Variants in PLXNA4 observed in about 807,000 individuals in gnomAD.
The protein encoded by PLXNA4 is plexin-A4.
PLXNA4 carries 44 observed loss-of-function variants against 191.8 expected under a neutral mutation model. The observed-to-expected ratio is 0.23, with a 90% CI of 0.18 to 0.29. PLXNA4 has a LOEUF of 0.29. Among genes scored for constraint, PLXNA4 ranks in the 10% least tolerant of loss-of-function variants. PLXNA4 has a pLI of 1.00. For missense variants in PLXNA4, 1,800 were observed against 2,488.8 expected (o/e 0.72, Z 5.89); for synonymous variants, 1,082 against 1,009.5 (o/e 1.07, Z -1.36).
chr7:132,621,617 A>G (rs905461830), intron 2 of PLXNA4, among the ~76,000 whole-genome samples: 3 of 152,124 alleles, frequency 2.0e-5, no homozygotes, highest in Admixed American at 1.3e-4. Flanking sequence ...CACCATATAC[A>G]TGGGCAAGTG....
At chr7:132,555,136 ATAACG>A (rs1376714056) in intron 1 of PLXNA4, among the ~76,000 whole-genome samples, 6 of 152,200 alleles carry the variant, frequency 3.9e-5, no homozygotes, top group Non-Finnish European at 1.5e-5. Context: ...TCCTATAAAA[ATAACG>A]TATGTTTACA....
At chr7:132,211,296 T>C (rs1205348491) in intron 9 of PLXNA4, among the ~76,000 whole-genome samples, 153 bp from the exon 10 acceptor site, 1 of 152,228 alleles carries the variant, frequency 6.6e-6, no homozygotes, top group Non-Finnish European at 1.5e-5. Flanking sequence ...CAGTGGGCAA[T>C]GCACTGAGGA....
intron 20 of PLXNA4, among the ~76,000 whole-genome samples, chr7:132,179,073 T>C (rs112645691): frequency 6.1e-4 from 63 of 103,526 alleles, no homozygotes; most frequent in South Asian, 1.0e-3. Flanking sequence ...CCAGCACTGC[T>C]CACAGCTGCC....
chr7:132,182,543 C>A (rs1796743892), intron 16 of PLXNA4, among the ~76,000 whole-genome samples: 1 of 152,166 alleles, frequency 6.6e-6, no homozygotes, highest in South Asian at 2.1e-4. Flanking sequence ...TCCATCCTTC[C>A]CCTGGTCCTC....
chr7:132,647,694 C>G (rs988200194), intron 1 of PLXNA4, among the ~76,000 whole-genome samples: 1 of 151,752 alleles, frequency 6.6e-6, no homozygotes, highest in Non-Finnish European at 1.5e-5. Context: ...CACATACACA[C>G]TCACAAACAC....
rs144143112 is a variant in PLXNA4 at position 132,462,248 on chromosome 7, G to A, written c.1371+27044C>T. 4.6e-3 allele frequency among the ~76,000 whole-genome samples: 704 copies of A among 152,256 alleles called. 11 individuals carry two copies. Among genetic ancestry groups the A allele is most frequent in the African/African-American group, 0.016 (660 of 41,542 alleles). On this transcript the variant is annotated intron_variant, in intron 3 of 31. Transcript: ENST00000321063. ...AAAACTTAAGGGTAACCACTATTAGGTTAAAATAGGATGAATACTTTCCAA... is the reference window on the plus strand; with the variant it reads ...AAAACTTAAGGGTAACCACTATTAGATTAAAATAGGATGAATACTTTCCAA...
chr7:132,153,555 G>A (rs913877255), intron 25 of PLXNA4, among the ~76,000 whole-genome samples: 1 of 152,114 alleles, frequency 6.6e-6, no homozygotes, highest in African/African-American at 2.4e-5. Context: ...CTCTAGGAAG[G>A]GGAGAGGTAG....
intron 2 of PLXNA4, among the ~76,000 whole-genome samples, chr7:132,582,571 G>A (rs1563186716): frequency 1.3e-5 from 2 of 152,136 alleles, no homozygotes; most frequent in African/African-American, 4.8e-5. Flanking sequence ...CATGTGTTGA[G>A]AAACTGAGCT....
intron 20 of PLXNA4, among the ~76,000 whole-genome samples, chr7:132,177,100 AGT>A (rs370431126): frequency 8.7e-4 from 131 of 151,292 alleles, no homozygotes; most frequent in African/African-American, 2.8e-3. Flanking sequence ...TATGTCAGTG[AGT>A]GTATGTATGT....
rs774229305 is a variant in PLXNA4 at position 132,223,558 on chromosome 7, G to A, written c.2066C>T (p.Ser689Phe). 3 of 1,613,686 alleles carry A rather than the reference G, an allele frequency of 1.9e-6. No homozygotes were observed. The highest frequency in any genetic ancestry group is 2.5e-6 in the Non-Finnish European group (3 of 1,179,832). Reference protein sequence around the residue: ...HVCTHDPKTCSFQEGRVKLPE... With the variant: ...HVCTHDPKTCFFQEGRVKLPE... ...CAGCTTCACTCGGCCTTCCTGGAAG[G>A]AGCAGGTCTTGGGGTCATGGGTGCA... is the stretch of plus-strand genomic sequence containing the variant. Residue 689 changes from serine to phenylalanine, a missense_variant, in exon 9 of 32, where the codon TCC (serine) becomes TTC (phenylalanine). Physicochemically the swap from Ser to Phe is radical, Grantham distance 155. This residue lies in a region of PLXNA4 where 1,397 missense variants were observed against 1,880.4 expected (regional missense o/e 0.74). Transcript: ENST00000321063.
chr7:132,555,860 G>A (rs1257761010), intron 1 of PLXNA4, among the ~76,000 whole-genome samples: 1 of 152,202 alleles, frequency 6.6e-6, no homozygotes, highest in Non-Finnish European at 1.5e-5. Context: ...AGTCTACACT[G>A]TTTGTTAAAA....
chr7:132,194,191 A>G lies in PLXNA4; in HGVS notation c.2739-12T>C, dbSNP rs772555500. ...TCTCACACACGATCCTGCAGGGAGG[A>G]TAGGAGAAATCCCATGGGTCACAGG... On this transcript the variant is annotated splice_polypyrimidine_tract_variant and intron_variant, in intron 13 of 31. Transcript: ENST00000321063. 2.6e-5 allele frequency: 42 copies of G among 1,609,270 alleles called. No homozygotes were observed. The highest frequency in any genetic ancestry group is 3.5e-5 in the Non-Finnish European group (41 of 1,176,674).
chr7:132,556,538 A>G (rs11760425), intron 1 of PLXNA4, among the ~76,000 whole-genome samples: 73,829 of 152,150 alleles, frequency 0.49, 19,005 homozygotes, highest in South Asian at 0.65. Flanking sequence ...TCCCCACATA[A>G]TCTGCCCATT....
chr7:132,355,369 G>A (rs1160837024), intron 3 of PLXNA4, among the ~76,000 whole-genome samples: 1 of 152,152 alleles, frequency 6.6e-6, no homozygotes, highest in Non-Finnish European at 1.5e-5. Context: ...AATAACCTGA[G>A]TCAGTCTCTG....
chr7:132,194,632 T>C (rs1797196566), intron 13 of PLXNA4, among the ~76,000 whole-genome samples: 1 of 152,150 alleles, frequency 6.6e-6, no homozygotes, highest in Non-Finnish European at 1.5e-5. Context: ...CTCCCGATGA[T>C]TGGGTTGCCT....
chr7:132,302,421 T>C (rs1584964331), intron 3 of PLXNA4, among the ~76,000 whole-genome samples: 1 of 151,930 alleles, frequency 6.6e-6, no homozygotes, highest in Non-Finnish European at 1.5e-5. Context: ...CAATACATGG[T>C]TGGTGCTTAG....
At chr7:132,224,195 C>T (rs977267) in intron 8 of PLXNA4, among the ~76,000 whole-genome samples, 68,574 of 151,898 alleles carry the variant, frequency 0.45, 15,993 homozygotes, top group South Asian at 0.63. Context: ...ACATGGTTCC[C>T]TTTTCCAAAA....
intron 1 of PLXNA4, among the ~76,000 whole-genome samples, chr7:132,545,726 A>C (rs893514871): frequency 6.6e-6 from 1 of 152,200 alleles, no homozygotes; most frequent in African/African-American, 2.4e-5. Flanking sequence ...GGATTAAGAA[A>C]ATTTGGAACT....
At chr7:132,634,893 C>G (rs1318377111) in intron 2 of PLXNA4, among the ~76,000 whole-genome samples, 1 of 152,088 alleles carries the variant, frequency 6.6e-6, no homozygotes, top group Admixed American at 6.6e-5. Flanking sequence ...GTCAGTGGGC[C>G]AGGAAAGGCA....
Sources: gnomAD v4.1 joint callset for allele counts (sites outside exome capture counted in the v4.1 genomes callset) on GRCh38, gnomAD v4.1.1 for gene constraint, gnomAD v4.1.1 regional missense constraint, MANE v1.5 for transcripts, NCBI Gene and HGNC (gene_info 2026-07-23, HGNC 2026-07-21) for gene names.